Variants in RIT2 observed in about 807,000 individuals in gnomAD.
The protein encoded by RIT2 is Ras like without CAAX 2, also known as GTP-binding protein Rit2.
A neutral mutation model predicts 23.7 loss-of-function variants in RIT2; 24 were observed. The observed-to-expected ratio is 1.01, with a 90% CI of 0.73 to 1.43. The LOEUF (loss-of-function observed/expected upper bound fraction) is 1.43. Ranked by LOEUF, RIT2 falls within the 40% of genes most tolerant of loss-of-function variation. The probability of loss-of-function intolerance (pLI) is 0.00; values close to 1 mark genes in which losing one functional copy is unlikely to be tolerated. For missense variants in RIT2, 236 were observed against 266.9 expected (o/e 0.88, Z 0.81); for synonymous variants, 107 against 91.1 (o/e 1.17, Z -0.99).
At chr18:42,918,018 G>T (rs1351402696) in intron 4 of RIT2, among the ~76,000 whole-genome samples, 1 of 152,070 alleles carries the variant, frequency 6.6e-6, no homozygotes, top group Non-Finnish European at 1.5e-5. Flanking sequence ...ATGCATATTT[G>T]AATGTGTATA....
intron 4 of RIT2, among the ~76,000 whole-genome samples, chr18:42,801,194 G>A (rs1905531823): frequency 6.6e-6 from 1 of 152,120 alleles, no homozygotes; most frequent in South Asian, 2.1e-4. Flanking sequence ...GAAGCACCAA[G>A]CTTCACTTCT....
chr18:43,055,118 T>C (rs550942108), intron 1 of RIT2, among the ~76,000 whole-genome samples: 141 of 152,160 alleles, frequency 9.3e-4, no homozygotes, highest in African/African-American at 3.0e-3. Flanking sequence ...CTTCTGAAAA[T>C]ATGGCCATAG....
intron 3 of RIT2, among the ~76,000 whole-genome samples, chr18:42,957,605 G>A (rs374019090): frequency 8.5e-4 from 130 of 152,174 alleles, no homozygotes; most frequent in African/African-American, 2.6e-3. Flanking sequence ...TCAACTTGGC[G>A]AAGCTCTGTC....
chr18:42,771,310 A>G (rs1183787805), intron 4 of RIT2, among the ~76,000 whole-genome samples: 1 of 152,166 alleles, frequency 6.6e-6, no homozygotes, highest in East Asian at 1.9e-4. Context: ...ACTTGCCTCT[A>G]TAATGGTATT....
At chr18:42,770,703 T>C (rs1025560751) in intron 4 of RIT2, among the ~76,000 whole-genome samples, 2 of 151,928 alleles carry the variant, frequency 1.3e-5, no homozygotes, top group African/African-American at 4.8e-5. Context: ...CAATTCACAA[T>C]GGGTTGGAAC....
At chr18:43,096,004 C>A (rs1913543385) in intron 1 of RIT2, among the ~76,000 whole-genome samples, 1 of 151,716 alleles carries the variant, frequency 6.6e-6, no homozygotes, top group South Asian at 2.1e-4. Flanking sequence ...TAAAACTTTG[C>A]AAAGGTGTTA....
chr18:43,001,617 C>T (rs1016918692), intron 2 of RIT2, among the ~76,000 whole-genome samples: 4 of 151,976 alleles, frequency 2.6e-5, no homozygotes, highest in Non-Finnish European at 5.9e-5. Context: ...TCATTATAAA[C>T]ATAGTTGAAA....
chr18:42,863,387 T>C (rs758961230), intron 4 of RIT2, among the ~76,000 whole-genome samples: 8 of 152,116 alleles, frequency 5.3e-5, no homozygotes, highest in African/African-American at 7.2e-5. Context: ...TAACCTTAAT[T>C]ATCAAAGTTT....
chr18:42,943,949 A>C (rs937419711), intron 3 of RIT2, among the ~76,000 whole-genome samples: 16 of 152,052 alleles, frequency 1.1e-4, no homozygotes, highest in African/African-American at 3.4e-4. Context: ...AAAGGACATC[A>C]CTATGGGGTA....
intron 4 of RIT2, among the ~76,000 whole-genome samples, chr18:42,818,014 G>A (rs572042132): frequency 1.5e-4 from 23 of 151,772 alleles, no homozygotes; most frequent in African/African-American, 5.3e-4. Context: ...ATTAAAGTAG[G>A]TATTATTAGA....
intron 3 of RIT2, among the ~76,000 whole-genome samples, chr18:42,941,731 T>A (rs2144159385): frequency 6.6e-6 from 1 of 152,258 alleles, no homozygotes; most frequent in African/African-American, 2.4e-5. Context: ...TTAATAACAT[T>A]GATTTTACAG....
chr18:42,927,776 A>C (rs993470814), intron 3 of RIT2, among the ~76,000 whole-genome samples: 3 of 152,072 alleles, frequency 2.0e-5, no homozygotes, highest in African/African-American at 7.2e-5. Flanking sequence ...GCTATTCTGA[A>C]TACAACATTC....
intron 2 of RIT2, among the ~76,000 whole-genome samples, chr18:42,986,835 A>C (rs1910721312): frequency 6.6e-6 from 1 of 152,126 alleles, no homozygotes; most frequent in African/African-American, 2.4e-5. Flanking sequence ...CAGAAATGTA[A>C]ATTATTATTT....
chr18:42,997,921 GACT>G (rs1202580146), intron 2 of RIT2, among the ~76,000 whole-genome samples: 5 of 152,084 alleles, frequency 3.3e-5, no homozygotes, highest in Admixed American at 3.3e-4. Flanking sequence ...CCATGTCCTT[GACT>G]ACTGTATTGA....
intron 4 of RIT2, among the ~76,000 whole-genome samples, chr18:42,899,851 G>A (rs540835962): frequency 6.6e-6 from 1 of 152,100 alleles, no homozygotes; most frequent in East Asian, 1.9e-4. Flanking sequence ...AGGTAAAGAA[G>A]CAGCCTCAGG....
chr18:43,099,290 C>G (rs1019382958), intron 1 of RIT2, among the ~76,000 whole-genome samples: 2 of 151,920 alleles, frequency 1.3e-5, no homozygotes, highest in African/African-American at 4.8e-5. Flanking sequence ...TCAGTTTAAA[C>G]CTCCTTAACA....
At chr18:43,114,480 G>A (rs1914022666) in intron 1 of RIT2, among the ~76,000 whole-genome samples, 1 of 151,856 alleles carries the variant, frequency 6.6e-6, no homozygotes, top group Non-Finnish European at 1.5e-5. Context: ...CTACTGATTT[G>A]TTTTGATGCT....
chr18:42,924,616 C>T lies in RIT2; in HGVS notation c.235-853G>A, dbSNP rs141459735. On this transcript the variant is annotated intron_variant, in intron 3 of 4. Coordinates refer to ENST00000326695, the MANE Select transcript of RIT2 (RefSeq NM_002930.4). ...CAATGAAAAATATGAAACTTAACTTCTGTTGGTGGAATAAGCAATGAAAGA... is the reference window on the plus strand; with the variant it reads ...CAATGAAAAATATGAAACTTAACTTTTGTTGGTGGAATAAGCAATGAAAGA... Among the ~76,000 whole-genome samples, 650 of 152,106 alleles carry T rather than the reference C, an allele frequency of 4.3e-3. 8 individuals are homozygous for T. The highest frequency in any genetic ancestry group is 0.015 in the African/African-American group (612 of 41,516).
intron 2 of RIT2, among the ~76,000 whole-genome samples, chr18:42,982,629 G>C (rs2144215778): frequency 6.6e-6 from 1 of 152,222 alleles, no homozygotes; most frequent in Admixed American, 6.5e-5. Flanking sequence ...GATTTTAGAT[G>C]TTAGGGATTT....
Sources: allele counts gnomAD v4.1 joint callset (sites outside exome capture counted in the v4.1 genomes callset), GRCh38; gene constraint gnomAD v4.1.1; transcripts MANE v1.5; gene names NCBI Gene and HGNC (gene_info 2026-07-23, HGNC 2026-07-21).